LAD1: variants seen among roughly 807,000 people sequenced by gnomAD.
The protein encoded by LAD1 is ladinin 1.
LAD1 carries 53 observed loss-of-function variants against 54.2 expected under a neutral mutation model. The observed-to-expected ratio is 0.98, with a 90% CI of 0.78 to 1.23. The LOEUF (loss-of-function observed/expected upper bound fraction) is 1.23, where lower values mean the gene tolerates loss of function less well. LAD1 is among the 50% of genes most tolerant of loss of function. LAD1 has a pLI of 0.00. For missense variants in LAD1, 637 were observed against 653.3 expected, an observed-to-expected ratio of 0.98 and a Z score of 0.27; for synonymous variants, 231 against 257.7, an observed-to-expected ratio of 0.90 and a Z score of 0.99.
In LAD1 at chr1:201,386,761, G is replaced by A. The variant is rs770947259; in HGVS notation, c.600C>T (p.Thr200=). The A allele has an allele frequency of 3.7e-6, 6 of 1,614,184 alleles. No individual in the cohort carries two copies. The highest frequency in any genetic ancestry group is 5.1e-6 in the Non-Finnish European group (6 of 1,180,020). The part of the protein sequence containing the change: ...APEKSLVSDK[T]SISEKVLASE... ...AGGCCAGCACCTTCTCAGAGATGGA[G>A]GTTTTATCGGAGACCAGGCTCTTTT... is the stretch of plus-strand genomic sequence containing the variant. Residue 200 remains threonine, a synonymous_variant, in exon 3 of 10, where the codon ACC becomes ACT. Coordinates refer to ENST00000391967, the MANE Select transcript of LAD1 (RefSeq NM_005558.4).
At chr1:201,381,990 C>T (rs528593659) in intron 9 of LAD1, 97 bp from the exon 10 acceptor site, 13 of 1,324,356 alleles carry the variant, frequency 9.8e-6, no homozygotes, top group Middle Eastern at 1.9e-4. Context: ...TGCCCAAGCC[C>T]CACACCCACA....
chr1:201,383,880 CCATGCTCTTCACTCTGCCTTTTTCA>C (rs1467509014), intron 5 of LAD1, among the ~76,000 whole-genome samples: 3 of 152,328 alleles, frequency 2.0e-5, no homozygotes, highest in South Asian at 4.2e-4. Flanking sequence ...CAGCTGGACA[CCATGCTCTTCACTCTGCCTTTTTCA>C]CATGCTGTTC....
chr1:201,394,102 G>C (rs1011262645), intron 1 of LAD1, among the ~76,000 whole-genome samples: 2 of 152,218 alleles, frequency 1.3e-5, no homozygotes, highest in African/African-American at 2.4e-5. Flanking sequence ...CCGCAGGATA[G>C]GGTGTCTCAT....
intron 4 of LAD1, 87 bp downstream of exon 4, chr1:201,385,609 TACCTA>T: frequency 1.1e-6 from 1 of 937,400 alleles, no homozygotes; most frequent in Non-Finnish European, 1.8e-6. Context: ...GGGACCTTCC[TACCTA>T]ACCTACGGCT....
Position 201,381,882 on chromosome 1 carries a change from G to A in LAD1, c.*6C>T, listed in dbSNP as rs1661969990. ...AAGACTTGCAGGTCTGTCTTGGCGG[G>A]GCTTGTCACACCTGTGGGGCAAAGA... On this transcript the variant is annotated 3_prime_UTR_variant, in exon 10 of 10. Transcript: ENST00000391967. 6.2e-7 allele frequency: 1 copy of A among 1,613,842 alleles called. No homozygotes were observed. Among genetic ancestry groups the A allele is most frequent in the Non-Finnish European group, 8.5e-7 (1 of 1,179,904 alleles).
intron 1 of LAD1, among the ~76,000 whole-genome samples, chr1:201,395,807 C>T (rs989038361): frequency 1.3e-5 from 2 of 152,238 alleles, no homozygotes; most frequent in Non-Finnish European, 1.5e-5. Context: ...AACCTTCCCA[C>T]GATCGCACAG....
intron 1 of LAD1, among the ~76,000 whole-genome samples, chr1:201,395,427 A>G (rs1039941642): frequency 5.9e-5 from 9 of 152,154 alleles, no homozygotes; most frequent in African/African-American, 2.2e-4. Flanking sequence ...TTACTCTAAC[A>G]CCAGTCACTG....
intron 2 of LAD1, 31 bp downstream of exon 2, chr1:201,389,129 C>T (rs371930401): frequency 1.9e-6 from 3 of 1,606,482 alleles, no homozygotes; most frequent in Non-Finnish European, 2.6e-6. Flanking sequence ...AGTCCATCCC[C>T]ATCCATCAGG....
chr1:201,384,378 C>T (rs897971999), intron 5 of LAD1, among the ~76,000 whole-genome samples: 8 of 152,116 alleles, frequency 5.3e-5, no homozygotes, highest in African/African-American at 1.9e-4. Context: ...CTTGCATCAA[C>T]ACCAGCGAGC....
At chr1:201,388,776 A>G (rs1035336196) in intron 2 of LAD1, among the ~76,000 whole-genome samples, 7 of 151,944 alleles carry the variant, frequency 4.6e-5, no homozygotes, top group African/African-American at 1.7e-4. Flanking sequence ...ACAGATCTGG[A>G]TGGACATTCT....
At chr1:201,382,556 C>T (rs1422615567) in intron 8 of LAD1, 97 bp downstream of exon 8, 2 of 1,068,918 alleles carry the variant, frequency 1.9e-6, no homozygotes, top group South Asian at 1.4e-5. Context: ...CCTCCTCTCC[C>T]GAAATGACTC....
Position 201,386,428 on chromosome 1 carries a change from C to A in LAD1, c.933G>T (p.Arg311Ser), listed in dbSNP as rs150998545. The A allele has an allele frequency of 7.0e-4, 1,079 of 1,531,766 alleles. 1 individual carries two copies. The highest frequency in any genetic ancestry group is 7.1e-4 in the Non-Finnish European group (815 of 1,144,858). The allele number at this position is 1,531,766 out of a possible 1,614,324, so 94.9% of individuals were successfully genotyped here. Reference sequence around the variant, plus strand: ...AGGGCAGGTTCTTCCCAGGGAGGGCCCTTCCTCTCTGCTCCTTGGTGGTGG... The same window carrying A: ...AGGGCAGGTTCTTCCCAGGGAGGGCACTTCCTCTCTGCTCCTTGGTGGTGG... Reference protein sequence around the residue: ...SPATTKEQRGRALPGKNLPSL... With the variant: ...SPATTKEQRGSALPGKNLPSL... Residue 311 changes from arginine to serine, a missense_variant, in exon 3 of 10, where the codon AGG (arginine) becomes AGT (serine). Arg to Ser is a moderately radical substitution (Grantham distance 110). Coordinates refer to ENST00000391967, the MANE Select transcript of LAD1 (RefSeq NM_005558.4).
chr1:201,385,030 C>A (rs781410012), intron 4 of LAD1, among the ~76,000 whole-genome samples, 195 bp from the exon 5 acceptor site: 1 of 152,226 alleles, frequency 6.6e-6, no homozygotes, highest in Non-Finnish European at 1.5e-5. Context: ...CTGGAAGACA[C>A]AGGTTCCCAC....
At chr1:201,391,646 GAA>G (rs1662197279) in intron 1 of LAD1, among the ~76,000 whole-genome samples, 3 of 152,362 alleles carry the variant, frequency 2.0e-5, no homozygotes, top group African/African-American at 7.2e-5. Flanking sequence ...CAGTGTGAGA[GAA>G]CAGATGCTAT....
chr1:201,386,939 G>A lies in LAD1; in HGVS notation c.422C>T (p.Pro141Leu), dbSNP rs1357714189. 4.3e-6 allele frequency: 7 copies of A among 1,612,014 alleles called. No homozygotes were observed. Among genetic ancestry groups the A allele is most frequent in the Non-Finnish European group, 5.9e-6 (7 of 1,179,490 alleles). ...TTCCCGACTCAGTCTCCGGCGAGGT[G>A]GGATTTCCAGTTCCTTCTTGGAGAC... ...PLVSKKELEI[P>L]PRRRLSREQR... Residue 141 changes from proline to leucine, a missense_variant, in exon 3 of 10, where the codon CCA becomes CTA. By Grantham distance (98) the Pro-to-Leu change is moderately conservative. Transcript: ENST00000391967.
At chr1:201,390,408 A>G (rs1662178196) in intron 1 of LAD1, among the ~76,000 whole-genome samples, 1 of 151,596 alleles carries the variant, frequency 6.6e-6, no homozygotes, top group Admixed American at 6.6e-5. Context: ...ATAGCGGTGC[A>G]TGCCTATAAT....
At chr1:201,383,419 C>A (rs774094282) in intron 5 of LAD1, 30 bp from the exon 6 acceptor site, 4 of 1,608,360 alleles carry the variant, frequency 2.5e-6, no homozygotes, top group South Asian at 1.1e-5. Context: ...ACAGGCGAGC[C>A]AAGTGAGACA....
At chr1:201,383,494 C>A in intron 5 of LAD1, 105 bp from the exon 6 acceptor site, 1 of 1,085,756 alleles carries the variant, frequency 9.2e-7, no homozygotes, top group Non-Finnish European at 1.4e-6. Context: ...CTCATTGTGG[C>A]CAAGAGAATG....
In LAD1 at chr1:201,386,986, C is replaced by A; in HGVS notation, c.375G>T (p.Val125=). ...AGACTAGGGGTTTCTGTGTGGCCTG[C>A]ACAGGGCTCAAGCTGTTCCTCCCCT... is the stretch of plus-strand genomic sequence containing the variant. ...AEEGRNSLSP[V]QATQKPLVSK... The change falls in exon 3 of 10, where the codon GTG becomes GTT. Residue 125 remains valine (V), a synonymous_variant. Transcript: ENST00000391967. 6.2e-7 allele frequency: 1 copy of A among 1,609,320 alleles called. No individual in the cohort carries two copies. Among genetic ancestry groups the A allele is most frequent in the Non-Finnish European group, 8.5e-7 (1 of 1,178,038 alleles).
Sources: gnomAD v4.1 joint callset for allele counts (sites outside exome capture counted in the v4.1 genomes callset) on GRCh38, gnomAD v4.1.1 for gene constraint, MANE v1.5 for transcripts, NCBI Gene and HGNC (gene_info 2026-07-23, HGNC 2026-07-21) for gene names.